Variants in MITF observed in about 807,000 individuals in gnomAD.
MITF encodes melanocyte inducing transcription factor.
MITF carries 17 observed loss-of-function variants against 60.5 expected under a neutral mutation model. That is an observed-to-expected ratio of 0.28 (90% CI 0.19 to 0.42). MITF has a LOEUF of 0.42. Among genes scored for constraint, MITF ranks in the 10% least tolerant of loss-of-function variants. The probability of loss-of-function intolerance (pLI) is 1.00; values close to 1 mark genes in which losing one functional copy is unlikely to be tolerated. For synonymous variants in MITF, 260 were observed against 248.5 expected, an observed-to-expected ratio of 1.05 and a Z score of -0.43; for missense variants, 622 against 683.5, an observed-to-expected ratio of 0.91 and a Z score of 1.00.
At chr3:69,864,173 G>T (rs1393297737) in intron 1 of MITF, among the ~76,000 whole-genome samples, 2 of 152,130 alleles carry the variant, frequency 1.3e-5, no homozygotes, top group African/African-American at 4.8e-5. Flanking sequence ...TCAGGTGAAA[G>T]AACTGGGGCC....
At chr3:69,743,903 T>A (rs1402875585) in intron 1 of MITF, among the ~76,000 whole-genome samples, 1 of 152,266 alleles carries the variant, frequency 6.6e-6, no homozygotes, top group East Asian at 1.9e-4. Flanking sequence ...TTTGGTTTAC[T>A]CAGTCCACAT....
intron 7 of MITF, 69 bp from the exon 8 acceptor site, chr3:69,956,386 T>G: frequency 1.6e-6 from 2 of 1,257,522 alleles, no homozygotes; most frequent in Non-Finnish European, 2.3e-6. Flanking sequence ...GCACATGCCT[T>G]TAATGAGATG....
chr3:69,943,396 T>C (rs1461882894), intron 5 of MITF, among the ~76,000 whole-genome samples: 1 of 152,110 alleles, frequency 6.6e-6, no homozygotes, highest in East Asian at 1.9e-4. Context: ...TTGCATGTTA[T>C]TTAGCTTCCT....
intron 1 of MITF, among the ~76,000 whole-genome samples, chr3:69,805,559 A>G: frequency 6.6e-6 from 1 of 152,220 alleles, no homozygotes. Context: ...TGTATATTAC[A>G]AGGGCAGGAA....
chr3:69,888,508 G>A (rs2064677778), intron 2 of MITF, among the ~76,000 whole-genome samples: 1 of 150,832 alleles, frequency 6.6e-6, no homozygotes, highest in Non-Finnish European at 1.5e-5. Context: ...TTTACCTCCT[G>A]GGAAATAAGT....
chr3:69,879,259 A>C lies in MITF; in HGVS notation c.230A>C (p.Gln77Pro), dbSNP rs762537793. 1 of 1,614,122 alleles carries C rather than the reference A, an allele frequency of 6.2e-7. No individual in the cohort carries two copies. Among genetic ancestry groups the C allele is most frequent in the African/African-American group, 1.3e-5 (1 of 74,942 alleles). The change falls in exon 2 of 10, where the codon CAG becomes CCG. Residue 77 changes from glutamine to proline, a missense_variant. Gln to Pro is a moderately conservative substitution (Grantham distance 76). Coordinates refer to ENST00000352241, the MANE Select transcript of MITF (RefSeq NM_001354604.2). The part of the protein sequence containing the change: ...QMQEQERREQ[Q>P]QKLQAAQFMQ... ...CAGGAGCAGGAGCGCAGGGAGCAGC[A>C]GCAGAAGCTGCAGGCGGCCCAGTTC... is the stretch of plus-strand genomic sequence containing the variant.
chr3:69,772,212 T>C (rs1317962394), intron 1 of MITF, among the ~76,000 whole-genome samples: 1 of 152,220 alleles, frequency 6.6e-6, no homozygotes, highest in Non-Finnish European at 1.5e-5. Context: ...GGCCAAATAT[T>C]ATGTAGTTTT....
At chr3:69,956,648 G>A in intron 8 of MITF, 118 bp downstream of exon 8, 1 of 805,726 alleles carries the variant, frequency 1.2e-6, no homozygotes, top group African/African-American at 1.7e-5. Context: ...CTCTCCCTTT[G>A]GTTCTATTCC....
intron 9 of MITF, 60 bp from the exon 10 acceptor site, chr3:69,964,787 A>G (rs1246021453): frequency 1.9e-6 from 3 of 1,557,762 alleles, no homozygotes; most frequent in Non-Finnish European, 2.7e-6. Context: ...GTGGTTTCAC[A>G]GGCTTAAAAG....
rs899202297 is a variant in MITF at position 69,965,321 on chromosome 3, G to C, written c.*73G>C. 1 of 1,527,726 alleles carries C rather than the reference G, an allele frequency of 6.5e-7. No homozygotes were observed. The highest frequency in any genetic ancestry group is 9.0e-7 in the Non-Finnish European group (1 of 1,116,096). The allele number at this position is 1,527,726 out of a possible 1,614,324, so 94.6% of individuals were successfully genotyped here. A position where few individuals can be genotyped will look rare whatever the true frequency, so the allele number is the denominator to read the frequency against. On this transcript the variant is annotated 3_prime_UTR_variant, in exon 10 of 10. Transcript: ENST00000352241. ...TCGTAGATTTAATAACTTACCTGAA[G>C]GGGTTTTCTTGATAATTTTCCTTTA...
At chr3:69,838,360 A>G (rs1435763910) in intron 1 of MITF, among the ~76,000 whole-genome samples, 1 of 152,132 alleles carries the variant, frequency 6.6e-6, no homozygotes, top group East Asian at 1.9e-4. Context: ...GCTAAAAAAA[A>G]AAAAAATAGA....
chr3:69,848,171 A>C (rs1037533470), intron 1 of MITF, among the ~76,000 whole-genome samples: 1 of 152,242 alleles, frequency 6.6e-6, no homozygotes, highest in Non-Finnish European at 1.5e-5. Flanking sequence ...AATTGTTGGA[A>C]TCCTATGCTT....
chr3:69,918,765 A>T (rs945295843), intron 2 of MITF, among the ~76,000 whole-genome samples: 1 of 152,224 alleles, frequency 6.6e-6, no homozygotes, highest in Non-Finnish European at 1.5e-5. Flanking sequence ...TATGCTTTGT[A>T]TATAAGAGAT....
chr3:69,778,409 T>A (rs911329741), intron 1 of MITF, among the ~76,000 whole-genome samples: 3 of 152,204 alleles, frequency 2.0e-5, no homozygotes, highest in African/African-American at 7.2e-5. Flanking sequence ...GAAATTAAAT[T>A]GCCAATTAAC....
chr3:69,739,515 G>T lies in MITF; in HGVS notation c.-83G>T, dbSNP rs1703445371. On this transcript the variant is annotated 5_prime_UTR_variant, in exon 1 of 10. Transcript: ENST00000352241. ...GCACTGCGCCGGGGCGCACGGCTCG[G>T]GGGACCCAGGCCCAGCTACCTTCCC... The T allele has an allele frequency of 7.7e-7, 1 of 1,298,686 alleles. No individual in the cohort carries two copies. Among genetic ancestry groups the T allele is most frequent in the Admixed American group, 2.0e-5 (1 of 50,562 alleles). 80.4% of individuals were successfully genotyped at this position (1,298,686 alleles called of 1,614,324 possible). A position where few individuals can be genotyped will look rare whatever the true frequency, so the allele number is the denominator to read the frequency against.
At chr3:69,901,407 T>C (rs1266337801) in intron 2 of MITF, among the ~76,000 whole-genome samples, 1 of 152,140 alleles carries the variant, frequency 6.6e-6, no homozygotes, top group Non-Finnish European at 1.5e-5. Context: ...TAGATAATTT[T>C]CATGGGTTTA....
At chr3:69,871,763 A>G (rs2064242322) in intron 1 of MITF, among the ~76,000 whole-genome samples, 2 of 152,346 alleles carry the variant, frequency 1.3e-5, no homozygotes, top group South Asian at 4.1e-4. Flanking sequence ...GATTGGAACA[A>G]TTATTTGAGT....
At chr3:69,831,199 A>G (rs1002492047) in intron 1 of MITF, among the ~76,000 whole-genome samples, 1 of 152,224 alleles carries the variant, frequency 6.6e-6, no homozygotes, top group African/African-American at 2.4e-5. Flanking sequence ...TGTCTGGCAC[A>G]TGATGGGCAC....
At chr3:69,744,036 G>T (rs1423537913) in intron 1 of MITF, among the ~76,000 whole-genome samples, 1 of 152,180 alleles carries the variant, frequency 6.6e-6, no homozygotes, top group Admixed American at 6.5e-5. Flanking sequence ...CTGCAAATTA[G>T]AAATGGGAAT....
Sources: gnomAD v4.1 joint callset for allele counts (sites outside exome capture counted in the v4.1 genomes callset) on GRCh38, gnomAD v4.1.1 for gene constraint, MANE v1.5 for transcripts, NCBI Gene and HGNC (gene_info 2026-07-23, HGNC 2026-07-21) for gene names.